ADAP1: variants seen among roughly 807,000 people sequenced by gnomAD.
ADAP1 encodes the protein arf-GAP with dual PH domain-containing protein 1.
ADAP1 carries 31 observed loss-of-function variants against 54.9 expected under a neutral mutation model. The ratio of observed to expected loss-of-function variants is 0.56; its 90% CI spans 0.42 to 0.76. ADAP1 has a LOEUF of 0.76. Among genes scored for constraint, ADAP1 ranks in the 30% least tolerant of loss-of-function variants. The probability of loss-of-function intolerance (pLI) is 0.00; values close to 1 mark genes in which losing one functional copy is unlikely to be tolerated. For missense variants in ADAP1, 535 were observed against 512.4 expected (o/e 1.04, Z -0.42); for synonymous variants, 313 against 202.6 (o/e 1.55, Z -4.63).
At chr7:904,418 C>T (rs73672462) in intron 5 of ADAP1, 146 bp from the exon 6 acceptor site, 53,431 of 1,019,560 alleles carry the variant, frequency 0.052, 1,609 homozygotes, top group Middle Eastern at 0.069. Context: ...GAGCCTTGGC[C>T]TCCCGGTCTG....
At chr7:937,714 CCCGACCTCTGGGATTTGGGGGTCAT>C (rs1846821602) in intron 1 of ADAP1, among the ~76,000 whole-genome samples, 5 of 104,722 alleles carry the variant, frequency 4.8e-5, no homozygotes, top group East Asian at 3.0e-4. Context: ...GGGGGTCATG[CCCGACCTCTGGGATTTGGGGGTCAT>C]GCCCGGCCTC....
chr7:905,382 A>AGG (rs376118722), intron 4 of ADAP1: 1 of 269,190 alleles, frequency 3.7e-6, no homozygotes, highest in Non-Finnish European at 6.1e-6. Flanking sequence ...GAAAGGAGAA[A>AGG]GGAGAAAGGA....
intron 4 of ADAP1, among the ~76,000 whole-genome samples, chr7:907,514 C>T (rs1036113559): frequency 6.6e-6 from 1 of 152,258 alleles, no homozygotes; most frequent in Non-Finnish European, 1.5e-5. Context: ...TGTGGCTTCA[C>T]GTCACTGAGC....
chr7:923,861 C>T (rs913199601), intron 3 of ADAP1, among the ~76,000 whole-genome samples: 5 of 152,178 alleles, frequency 3.3e-5, no homozygotes, highest in South Asian at 2.1e-4. Flanking sequence ...GCACGGAGGC[C>T]GTGGGCACCA....
intron 6 of ADAP1, among the ~76,000 whole-genome samples, chr7:902,140 G>C: frequency 6.6e-6 from 1 of 151,308 alleles, no homozygotes; most frequent in South Asian, 2.1e-4. Context: ...TGACCAACAT[G>C]GTGAAACCCG....
At chr7:910,326 T>G (rs1845672762) in intron 4 of ADAP1, among the ~76,000 whole-genome samples, 1 of 151,974 alleles carries the variant, frequency 6.6e-6, no homozygotes, top group Non-Finnish European at 1.5e-5. Flanking sequence ...CACAGCTCAC[T>G]GCAGCCTTGA....
In ADAP1 at chr7:920,805, G is replaced by A; in HGVS notation, c.306-755C>T. 1 of 1,550,096 alleles carries A rather than the reference G, an allele frequency of 6.5e-7. No individual in the cohort carries two copies. The highest frequency in any genetic ancestry group is 8.7e-7 in the Non-Finnish European group (1 of 1,146,866). On this transcript the variant is annotated intron_variant, in intron 3 of 10. Transcript: ENST00000265846. The surrounding 1 kb of genome is among the most constrained non-coding windows in gnomAD (Gnocchi z 4.5). Reference sequence around the variant, plus strand: ...TCACTCGAGTGAAGCCAATACCATTGCAGAAACCACGACCCACACACAGGC... The same window carrying A: ...TCACTCGAGTGAAGCCAATACCATTACAGAAACCACGACCCACACACAGGC...
intron 2 of ADAP1, among the ~76,000 whole-genome samples, chr7:928,819 C>G (rs372864634): frequency 6.6e-6 from 1 of 152,222 alleles, no homozygotes. Flanking sequence ...CACAGAGTTA[C>G]CATAGAGTCC....
chr7:940,369 CACACAA>C, intron 1 of ADAP1, among the ~76,000 whole-genome samples: 1 of 141,566 alleles, frequency 7.1e-6, no homozygotes, highest in East Asian at 2.0e-4. Flanking sequence ...CACACACACA[CACACAA>C]TATGGAGACA....
At chr7:953,592 G>T (rs560035231) in intron 1 of ADAP1, among the ~76,000 whole-genome samples, 3 of 152,326 alleles carry the variant, frequency 2.0e-5, no homozygotes, top group Admixed American at 6.5e-5. Flanking sequence ...GGACTGCTCC[G>T]GCGGGGCCCT....
At chr7:931,015 A>G (rs1214181163) in intron 2 of ADAP1, among the ~76,000 whole-genome samples, 23 of 122,106 alleles carry the variant, frequency 1.9e-4, no homozygotes, top group East Asian at 2.9e-4. Flanking sequence ...GGAAGGAAGG[A>G]GGGTAGGGAG....
chr7:899,652 C>T (rs556164802), intron 8 of ADAP1, among the ~76,000 whole-genome samples, 162 bp from the exon 9 acceptor site: 8 of 152,276 alleles, frequency 5.3e-5, no homozygotes, highest in Admixed American at 2.6e-4. Context: ...CCTCCGCACA[C>T]GCCTGTCCTC....
At position 920,731 on chromosome 7, in the gene ADAP1, G is replaced by A; in HGVS notation, c.306-681C>T. On this transcript the variant is annotated intron_variant, in intron 3 of 10. Coordinates refer to ENST00000265846, the MANE Select transcript of ADAP1 (RefSeq NM_006869.4). The surrounding 1 kb of genome is among the most constrained non-coding windows in gnomAD (Gnocchi z 4.5). ...CCCCCCACGGCACCCACTGAGCCCA[G>A]ACATCCCTGCCCAGAGCCACCCACC... The A allele has an allele frequency of 6.7e-7, 1 of 1,485,354 alleles. No homozygotes were observed. The highest frequency in any genetic ancestry group is 9.1e-7 in the Non-Finnish European group (1 of 1,096,196). 92.0% of individuals were successfully genotyped at this position (1,485,354 alleles called of 1,614,324 possible).
At chr7:932,672 CA>C (rs1256201292) in intron 2 of ADAP1, among the ~76,000 whole-genome samples, 1 of 152,144 alleles carries the variant, frequency 6.6e-6, no homozygotes, top group Non-Finnish European at 1.5e-5. Flanking sequence ...GGATGGATGT[CA>C]CATCCCAGTG....
chr7:908,422 C>T (rs1034675668), intron 4 of ADAP1, among the ~76,000 whole-genome samples: 14 of 152,170 alleles, frequency 9.2e-5, no homozygotes, highest in East Asian at 1.9e-4. Flanking sequence ...TGGTGCCAGA[C>T]GGGGCCTGCT....
chr7:939,602 G>A (rs1051274021), intron 1 of ADAP1, among the ~76,000 whole-genome samples: 6 of 151,816 alleles, frequency 4.0e-5, no homozygotes, highest in South Asian at 2.1e-4. Context: ...AGGCCAAGGC[G>A]GGTGGATCAC....
chr7:913,303 C>T (rs1845799708), intron 4 of ADAP1, among the ~76,000 whole-genome samples: 1 of 151,420 alleles, frequency 6.6e-6, no homozygotes, highest in African/African-American at 2.4e-5. Context: ...TGGGTTCACA[C>T]CATTCTCCTG....
intron 4 of ADAP1, among the ~76,000 whole-genome samples, chr7:906,080 G>A (rs1169308073): frequency 1.4e-4 from 1 of 7,130 alleles, no homozygotes; most frequent in Admixed American, 1.6e-3. Context: ...AGGAGAAAGG[G>A]AAAGGAGAAA....
chr7:926,673 G>A lies in ADAP1; in HGVS notation c.214-29C>T. On this transcript the variant is annotated intron_variant, in intron 2 of 10. Coordinates refer to ENST00000265846, the MANE Select transcript of ADAP1 (RefSeq NM_006869.4). This position sits in a 1 kb window ranked among gnomAD's most constrained non-coding sequence, Gnocchi z 4.6. ...CAAGAGAGGAGGGGCCGGGTCAGAG[G>A]CCTGGGGTCCCAGGGGCAGCCTAGG... 1 of 1,519,994 alleles carries A rather than the reference G, an allele frequency of 6.6e-7. No individual in the cohort carries two copies. The highest frequency in any genetic ancestry group is 1.4e-5 in the African/African-American group (1 of 70,892). 94.2% of individuals were successfully genotyped at this position (1,519,994 alleles called of 1,614,324 possible). A position where few individuals can be genotyped will look rare whatever the true frequency, so the allele number is the denominator to read the frequency against.
Sources: allele counts gnomAD v4.1 joint callset (sites outside exome capture counted in the v4.1 genomes callset), GRCh38; gene constraint gnomAD v4.1.1; non-coding constraint Gnocchi (gnomAD v3.1); transcripts MANE v1.5; gene names NCBI Gene and HGNC (gene_info 2026-07-23, HGNC 2026-07-21).